The following SMCHD1 variants were observed in gnomAD, a reference collection of about 807,000 sequenced individuals.
SMCHD1 encodes the protein structural maintenance of chromosomes flexible hinge domain containing 1.
In SMCHD1, 78 loss-of-function variants were observed where a neutral mutation model predicts 254.7. The observed-to-expected ratio is 0.31, with a 90% CI of 0.26 to 0.37. The LOEUF is 0.37. Among genes scored for constraint, SMCHD1 ranks in the 10% least tolerant of loss-of-function variants. The pLI, the probability that SMCHD1 is intolerant of heterozygous loss-of-function variation, is 1.00. For missense variants in SMCHD1, 1,840 were observed against 2,408.1 expected, an observed-to-expected ratio of 0.76 and a Z score of 4.94; for synonymous variants, 766 against 794.9, an observed-to-expected ratio of 0.96 and a Z score of 0.61.
intron 1 of SMCHD1, among the ~76,000 whole-genome samples, chr18:2,665,916 T>C (rs1190123207): frequency 1.3e-5 from 2 of 152,194 alleles, no homozygotes; most frequent in Admixed American, 6.5e-5. Flanking sequence ...TAATCACTAG[T>C]GTTCCTAGGT....
intron 47 of SMCHD1, among the ~76,000 whole-genome samples, chr18:2,798,745 T>G (rs1178834757): frequency 6.6e-6 from 1 of 152,242 alleles, no homozygotes; most frequent in Non-Finnish European, 1.5e-5. Flanking sequence ...CACTGTATTA[T>G]TCCCTCTGCT....
At chr18:2,673,944 A>G (rs2143845047) in intron 4 of SMCHD1, 71 bp from the exon 5 acceptor site, 1 of 1,428,814 alleles carries the variant, frequency 7.0e-7, no homozygotes, top group East Asian at 2.5e-5. Context: ...CATTTTTTTC[A>G]TGTTTAACTT....
chr18:2,683,830 G>T (rs1568131421), intron 5 of SMCHD1, among the ~76,000 whole-genome samples: 1 of 152,000 alleles, frequency 6.6e-6, no homozygotes, highest in Non-Finnish European at 1.5e-5. Context: ...TTCTGTTAGT[G>T]TAGCCATCCC....
At chr18:2,686,571 C>T (rs1208663162) in intron 5 of SMCHD1, among the ~76,000 whole-genome samples, 1 of 151,872 alleles carries the variant, frequency 6.6e-6, no homozygotes, top group African/African-American at 2.4e-5. Context: ...TTTAAATCAT[C>T]AGTGTGTATG....
chr18:2,772,121 T>A (rs767046970), intron 40 of SMCHD1, 129 bp from the exon 41 acceptor site: 30 of 683,004 alleles, frequency 4.4e-5, no homozygotes, highest in Middle Eastern at 4.1e-4. Context: ...GTTTTTTTTT[T>A]AATAATGCCT....
At chr18:2,791,001 A>G (rs532323742) in intron 45 of SMCHD1, among the ~76,000 whole-genome samples, 4 of 152,338 alleles carry the variant, frequency 2.6e-5, no homozygotes, top group Admixed American at 6.5e-5. Context: ...TATACCTATA[A>G]AACCCAAGGT....
intron 5 of SMCHD1, among the ~76,000 whole-genome samples, chr18:2,682,160 G>T (rs8093385): frequency 0.83 from 125,821 of 151,892 alleles, 55,352 homozygotes; most frequent in East Asian, 1. Flanking sequence ...GTTTTCTTAA[G>T]TTTGGTGTTT....
chr18:2,778,299 T>C, intron 44 of SMCHD1, 60 bp downstream of exon 44: 1 of 1,190,454 alleles, frequency 8.4e-7, no homozygotes. Flanking sequence ...ATCATGTCCA[T>C]TTGATGATAC....
Position 2,656,090 on chromosome 18 carries a change from C to T in SMCHD1, c.15C>T (p.Asp5=), listed in dbSNP as rs769401596. 3 of 1,401,704 alleles carry T rather than the reference C, an allele frequency of 2.1e-6. No homozygotes were observed. The highest frequency in any genetic ancestry group is 3.3e-5 in the Admixed American group (1 of 30,116). 86.8% of individuals were successfully genotyped at this position (1,401,704 alleles called of 1,614,324 possible). ...TTTTCCCCAATATGGCAGCGGCGGA[C>T]GGCGGCGGGCCTGGTGGGGCCTCTG... is the stretch of plus-strand genomic sequence containing the variant. MAAA[D]GGGPGGASVG... is the part of the protein sequence containing the mutation. The change falls in exon 1 of 48, where the codon GAC becomes GAT. Residue 5 remains aspartate, a synonymous_variant. Transcript: ENST00000320876.
chr18:2,795,243 G>T (rs1261216417), intron 45 of SMCHD1, among the ~76,000 whole-genome samples: 5 of 152,038 alleles, frequency 3.3e-5, no homozygotes, highest in African/African-American at 9.7e-5. Context: ...ATTTTTATTA[G>T]AGACGGGGTT....
intron 12 of SMCHD1, 34 bp from the exon 13 acceptor site, chr18:2,703,658 G>A: frequency 6.6e-7 from 1 of 1,523,720 alleles, no homozygotes; most frequent in Non-Finnish European, 9.0e-7. Flanking sequence ...TTTGCTAGTA[G>A]CTATATTTCA....
At chr18:2,761,846 A>AT (rs1374148749) in intron 35 of SMCHD1, among the ~76,000 whole-genome samples, 1 of 152,062 alleles carries the variant, frequency 6.6e-6, no homozygotes, top group African/African-American at 2.4e-5. Flanking sequence ...CGGTATACTA[A>AT]TTTTTTTGAT....
intron 4 of SMCHD1, 118 bp from the exon 5 acceptor site, chr18:2,673,897 C>T: frequency 1.0e-6 from 1 of 968,746 alleles, no homozygotes; most frequent in Non-Finnish European, 1.5e-6. Flanking sequence ...TATTAATTTG[C>T]ACTTCCATCA....
intron 17 of SMCHD1, among the ~76,000 whole-genome samples, chr18:2,708,656 C>T (rs1251928272): frequency 1.3e-5 from 2 of 150,320 alleles, no homozygotes; most frequent in Non-Finnish European, 3.0e-5. Flanking sequence ...TCTTGTTGCC[C>T]AGGCTGGAAT....
chr18:2,800,876 A>G (rs1172583255), intron 47 of SMCHD1: 1 of 152,214 alleles, frequency 6.6e-6, no homozygotes, highest in Non-Finnish European at 1.5e-5. Flanking sequence ...AAAATTCAAG[A>G]TTAAGTTCCA....
Position 2,732,489 on chromosome 18 carries a change from T to A in SMCHD1, c.3273T>A (p.Ile1091=). ...TAACATCAGCTTTAGCAGAAAAAAT[T>A]AAAGTAAGTATCTCTAACAGATTGG... ...INITSALAEK[I]KVNWTPEINK... is the part of the protein sequence containing the mutation. The change falls in exon 25 of 48, where the codon ATT becomes ATA. Residue 1091 remains isoleucine, a synonymous_variant. Coordinates refer to ENST00000320876, the MANE Select transcript of SMCHD1 (RefSeq NM_015295.3). 6.4e-7 allele frequency: 1 copy of A among 1,568,220 alleles called. No individual in the cohort carries two copies. The highest frequency in any genetic ancestry group is 8.7e-7 in the Non-Finnish European group (1 of 1,146,260).
intron 47 of SMCHD1, chr18:2,796,727 T>C: frequency 2.0e-6 from 1 of 509,480 alleles, no homozygotes; most frequent in East Asian, 3.7e-5. Flanking sequence ...ATTACAGGCA[T>C]GCACCACCAT....
At chr18:2,700,503 A>G in intron 10 of SMCHD1, 36 bp from the exon 11 acceptor site, 1 of 1,568,318 alleles carries the variant, frequency 6.4e-7, no homozygotes. Flanking sequence ...ACATTTTAGC[A>G]ATAAACATTT....
intron 19 of SMCHD1, among the ~76,000 whole-genome samples, chr18:2,722,061 A>G (rs1414843233): frequency 6.6e-6 from 1 of 152,314 alleles, no homozygotes; most frequent in South Asian, 2.1e-4. Flanking sequence ...CTTGTTACAC[A>G]TGTTGCAAAT....
Sources: gnomAD v4.1 joint callset for allele counts (sites outside exome capture counted in the v4.1 genomes callset) on GRCh38, gnomAD v4.1.1 for gene constraint, MANE v1.5 for transcripts, NCBI Gene and HGNC (gene_info 2026-07-23, HGNC 2026-07-21) for gene names.